The following SPATA17 variants were observed in gnomAD, a reference collection of about 807,000 sequenced individuals.
SPATA17 encodes the protein spermatogenesis-associated protein 17.
Under a neutral mutation model 62.2 loss-of-function variants are expected in SPATA17, and 53 were observed. The observed-to-expected ratio is 0.85, with a 90% CI of 0.68 to 1.07. SPATA17 has a LOEUF of 1.07. SPATA17 is among the 50% of genes least tolerant of loss of function. The probability of loss-of-function intolerance (pLI) is 0.00; values close to 1 mark genes in which losing one functional copy is unlikely to be tolerated. For missense variants in SPATA17, 466 were observed against 425.5 expected, an observed-to-expected ratio of 1.10 and a Z score of -0.84; for synonymous variants, 146 against 146.8, an observed-to-expected ratio of 0.99 and a Z score of 0.04.
chr1:217,854,829 G>T (rs530419648), intron 9 of SPATA17, among the ~76,000 whole-genome samples: 1 of 152,162 alleles, frequency 6.6e-6, no homozygotes, highest in Non-Finnish European at 1.5e-5. Context: ...TGCTACTCCA[G>T]AAGTCTCAAA....
At chr1:217,851,521 T>C (rs571196296) in intron 9 of SPATA17, among the ~76,000 whole-genome samples, 11 of 152,268 alleles carry the variant, frequency 7.2e-5, no homozygotes, top group Admixed American at 3.9e-4. Context: ...ACAGAACTAT[T>C]GACATTTTTA....
chr1:217,718,997 A>G (rs1672066019), intron 5 of SPATA17, among the ~76,000 whole-genome samples: 1 of 152,238 alleles, frequency 6.6e-6, no homozygotes, highest in Admixed American at 6.5e-5. Context: ...CAAAGAAGCC[A>G]GAAGCCTGCA....
chr1:217,652,125 A>G (rs957281126), intron 3 of SPATA17, among the ~76,000 whole-genome samples: 1 of 152,246 alleles, frequency 6.6e-6, no homozygotes, highest in African/African-American at 2.4e-5. Flanking sequence ...TAGCACTTAT[A>G]TAGATGAATA....
At chr1:217,822,510 C>T (rs1674888199) in intron 9 of SPATA17, among the ~76,000 whole-genome samples, 1 of 150,748 alleles carries the variant, frequency 6.6e-6, no homozygotes, top group Admixed American at 6.6e-5. Context: ...GTTGCTTAAT[C>T]TGTGGTGTCT....
At chr1:217,865,196 GA>G (rs1415683327) in intron 10 of SPATA17, among the ~76,000 whole-genome samples, 1 of 152,116 alleles carries the variant, frequency 6.6e-6, no homozygotes, top group Non-Finnish European at 1.5e-5. Context: ...CCAAACTGTT[GA>G]ATAAAGATGC....
rs138217461 is a variant in SPATA17, at chr1:217,658,580, T to A, written c.240+7402T>A. ...AAGACCATCCTGGTTAACATGGTGA[T>A]AGCCCGTCTCTACTAAGAACACAAA... On this transcript the variant is annotated intron_variant, in intron 3 of 10. Coordinates refer to ENST00000366933, the MANE Select transcript of SPATA17 (RefSeq NM_138796.4). Among the ~76,000 whole-genome samples, 210 of 152,094 alleles carry A rather than the reference T, an allele frequency of 1.4e-3. 4 individuals carry two copies. The highest frequency in any genetic ancestry group is 0.011 in the East Asian group (59 of 5,152).
At chr1:217,726,717 G>T (rs1462901688) in intron 5 of SPATA17, among the ~76,000 whole-genome samples, 3 of 146,304 alleles carry the variant, frequency 2.1e-5, no homozygotes, top group South Asian at 2.2e-4. Context: ...ATTTTTGTGT[G>T]TTTTTTTTTT....
At chr1:217,839,570 A>G (rs1430960298) in intron 9 of SPATA17, among the ~76,000 whole-genome samples, 1 of 152,082 alleles carries the variant, frequency 6.6e-6, no homozygotes, top group Non-Finnish European at 1.5e-5. Context: ...TGCAAACTCT[A>G]GTTTATAAAA....
chr1:217,751,417 G>A (rs889411679), intron 6 of SPATA17, among the ~76,000 whole-genome samples: 1 of 152,134 alleles, frequency 6.6e-6, no homozygotes, highest in Non-Finnish European at 1.5e-5. Context: ...TAAGAGGCAG[G>A]TCCTCAAGTC....
At chr1:217,743,602 C>A (rs1464694388) in intron 6 of SPATA17, among the ~76,000 whole-genome samples, 1 of 151,822 alleles carries the variant, frequency 6.6e-6, no homozygotes, top group African/African-American at 2.4e-5. Flanking sequence ...ATAGTGAAAT[C>A]ATTCTTTTTT....
In SPATA17 at chr1:217,782,172, A is replaced by AG; in HGVS notation, c.726dup. On this transcript the variant is annotated splice_acceptor_variant, in intron 7 of 10. Transcript: ENST00000366933. LOFTEE classifies it high-confidence loss of function. Reference sequence around the variant, plus strand: ...AATATGTTCCTCATCCTGTCTTGTCAGGGGCCCTTCCGAGATATCACCGAA... The same window carrying AG: ...AATATGTTCCTCATCCTGTCTTGTCAGGGGGCCCTTCCGAGATATCACCGAA... The AG allele has an allele frequency of 6.3e-7, 1 of 1,585,788 alleles. No individual in the cohort carries two copies. The highest frequency in any genetic ancestry group is 8.6e-7 in the Non-Finnish European group (1 of 1,168,774).
At chr1:217,654,717 CTTTT>C (rs199930213) in intron 3 of SPATA17, among the ~76,000 whole-genome samples, 2 of 134,598 alleles carry the variant, frequency 1.5e-5, no homozygotes, top group South Asian at 2.4e-4. Context: ...TTTACATAAT[CTTTT>C]TTTTTTTTTT....
intron 6 of SPATA17, among the ~76,000 whole-genome samples, chr1:217,766,392 C>T (rs556202869): frequency 6.6e-6 from 1 of 151,788 alleles, no homozygotes. Flanking sequence ...GTTTGCAATA[C>T]ACATTTGCAA....
chr1:217,740,885 A>G (rs1672612396), intron 5 of SPATA17, among the ~76,000 whole-genome samples: 1 of 152,234 alleles, frequency 6.6e-6, no homozygotes, highest in Non-Finnish European at 1.5e-5. Context: ...ACGTTGAAAA[A>G]AATTGCTCAG....
At chr1:217,650,160 A>C (rs1670277438) in intron 2 of SPATA17, among the ~76,000 whole-genome samples, 1 of 151,882 alleles carries the variant, frequency 6.6e-6, no homozygotes, top group South Asian at 2.1e-4. Context: ...GCTGGTCTCG[A>C]ACTCCCGACC....
Position 217,733,471 on chromosome 1 carries a change from C to T in SPATA17, c.396-8504C>T, listed in dbSNP as rs376871107. Among the ~76,000 whole-genome samples, 89 of 152,302 alleles carry T rather than the reference C, an allele frequency of 5.8e-4. 2 individuals are homozygous for T. Among genetic ancestry groups the T allele is most frequent in the Middle Eastern group, 6.8e-3 (2 of 294 alleles). ...CACCTCCATGAAACCTTTTCTGATCCATCTAATCAGAAGTGAGCCCCCTGA... is the reference window on the plus strand; with the variant it reads ...CACCTCCATGAAACCTTTTCTGATCTATCTAATCAGAAGTGAGCCCCCTGA... On this transcript the variant is annotated intron_variant, in intron 5 of 10. Transcript: ENST00000366933.
chr1:217,659,566 A>G (rs907556658), intron 3 of SPATA17, among the ~76,000 whole-genome samples: 1 of 152,154 alleles, frequency 6.6e-6, no homozygotes, highest in African/African-American at 2.4e-5. Flanking sequence ...TCTGTTTTAT[A>G]GATGAAGAAA....
chr1:217,678,205 C>CTATTTTTTTTTTTT (rs1670997146), intron 4 of SPATA17, among the ~76,000 whole-genome samples: 1 of 107,552 alleles, frequency 9.3e-6, no homozygotes, highest in Non-Finnish European at 2.0e-5. Context: ...CTTTTCTTTT[C>CTATTTTTTTTTTTT]TTTTTTTTTT....
At chr1:217,805,375 G>A (rs1245653358) in intron 9 of SPATA17, among the ~76,000 whole-genome samples, 2 of 152,144 alleles carry the variant, frequency 1.3e-5, no homozygotes, top group African/African-American at 2.4e-5. Context: ...AGGAACTTGA[G>A]GCAGGAGGTA....
Sources: allele counts gnomAD v4.1 joint callset (sites outside exome capture counted in the v4.1 genomes callset), GRCh38; gene constraint gnomAD v4.1.1; transcripts MANE v1.5; gene names NCBI Gene and HGNC (gene_info 2026-07-23, HGNC 2026-07-21).